The following RBFOX2 variants were observed in gnomAD, a reference collection of about 807,000 sequenced individuals.
The protein encoded by RBFOX2 is RNA binding fox-1 homolog 2, also known as RNA binding protein fox-1 homolog 2.
Under a neutral mutation model 49.1 loss-of-function variants are expected in RBFOX2, and 10 were observed. The ratio of observed to expected loss-of-function variants is 0.20; its 90% confidence interval spans 0.13 to 0.35. The LOEUF (loss-of-function observed/expected upper bound fraction) is 0.35. RBFOX2 is among the 10% of genes least tolerant of loss of function. RBFOX2 has a pLI of 1.00. For missense variants in RBFOX2, 323 were observed against 486.9 expected (o/e 0.66, Z 3.17); for synonymous variants, 183 against 187.4 (o/e 0.98, Z 0.19).
intron 2 of RBFOX2, among the ~76,000 whole-genome samples, chr22:35,804,191 T>C (rs1046845220): frequency 6.6e-5 from 10 of 151,826 alleles, no homozygotes; most frequent in African/African-American, 1.5e-4. Flanking sequence ...GGCAGGAGAA[T>C]TGGTCGAACC....
intron 2 of RBFOX2, among the ~76,000 whole-genome samples, chr22:35,788,603 T>C (rs1379993292): frequency 6.6e-6 from 1 of 152,234 alleles, no homozygotes; most frequent in Non-Finnish European, 1.5e-5. Flanking sequence ...CCTTCAGAAT[T>C]TTGAAGATAA....
At chr22:35,898,462 G>A (rs1463892414) in intron 1 of RBFOX2, 1 of 395,658 alleles carries the variant, frequency 2.5e-6, no homozygotes, top group South Asian at 2.4e-5. Context: ...GTCTCACTCT[G>A]TAGCCCAGGC....
chr22:35,809,744 T>C (rs758852715), intron 2 of RBFOX2, 36 bp downstream of exon 3: 7 of 1,589,312 alleles, frequency 4.4e-6, no homozygotes, highest in Admixed American at 3.3e-5. Flanking sequence ...ATGATTGCCA[T>C]GCATCCTTCC....
intron 1 of RBFOX2, among the ~76,000 whole-genome samples, chr22:36,024,685 G>A (rs1237599077): frequency 6.6e-6 from 1 of 151,480 alleles, no homozygotes. Flanking sequence ...AGGTTGCAGT[G>A]AGCTGAGATC....
intron 1 of RBFOX2, among the ~76,000 whole-genome samples, chr22:35,967,029 C>T (rs2056604005): frequency 6.6e-6 from 1 of 151,970 alleles, no homozygotes; most frequent in Non-Finnish European, 1.5e-5. Context: ...ATGTTGTTGC[C>T]CAGGCTGATC....
At chr22:35,874,115 AT>A (rs1249726266) in intron 1 of RBFOX2, among the ~76,000 whole-genome samples, 1 of 152,244 alleles carries the variant, frequency 6.6e-6, no homozygotes, top group Non-Finnish European at 1.5e-5. Context: ...GATGAATTAG[AT>A]GCTTTAGTAA....
intron 1 of RBFOX2, among the ~76,000 whole-genome samples, chr22:35,874,256 G>A (rs1156511021): frequency 1.3e-5 from 2 of 152,088 alleles, no homozygotes; most frequent in East Asian, 1.9e-4. Flanking sequence ...GGTAAGGCAT[G>A]TACAAGGCAA....
At chr22:35,916,145 G>A (rs1224030239) in intron 1 of RBFOX2, among the ~76,000 whole-genome samples, 4 of 152,124 alleles carry the variant, frequency 2.6e-5, no homozygotes, top group East Asian at 1.9e-4. Flanking sequence ...CATAGGCTTC[G>A]GTATCAAGCT....
chr22:35,881,750 G>C (rs1361225030), intron 1 of RBFOX2, among the ~76,000 whole-genome samples: 1 of 152,024 alleles, frequency 6.6e-6, no homozygotes, highest in Non-Finnish European at 1.5e-5. Context: ...CATGAGGTCA[G>C]GAGTTCGAGA....
At chr22:35,838,814 T>C (rs1357997708) in intron 1 of RBFOX2, among the ~76,000 whole-genome samples, 1 of 152,192 alleles carries the variant, frequency 6.6e-6, no homozygotes, top group African/African-American at 2.4e-5. Context: ...TTGTTGAAAT[T>C]TTCTAAACTC....
At chr22:35,982,809 A>C (rs76565684) in intron 1 of RBFOX2, among the ~76,000 whole-genome samples, 10 of 151,882 alleles carry the variant, frequency 6.6e-5, no homozygotes, top group African/African-American at 2.4e-4. Flanking sequence ...AAAAAAAAAA[A>C]CCACTAATCC....
At chr22:36,028,460 G>A (rs1218977382) in exon 1 of RBFOX2, 2 of 1,166,114 alleles carry the variant, frequency 1.7e-6, no homozygotes, top group Non-Finnish European at 2.1e-6. Flanking sequence ...GGAGCCGGGC[G>A]ACCCGCGACA....
chr22:35,774,410 C>T (rs1943401177), intron 4 of RBFOX2, among the ~76,000 whole-genome samples: 1 of 152,124 alleles, frequency 6.6e-6, no homozygotes, highest in Admixed American at 6.5e-5. Context: ...AGGAATACCA[C>T]TTTCCATCAT....
At chr22:35,880,026 C>CT (rs201834547) in intron 1 of RBFOX2, among the ~76,000 whole-genome samples, 1 of 152,120 alleles carries the variant, frequency 6.6e-6, no homozygotes, top group East Asian at 1.9e-4. Flanking sequence ...CATGGTGGCG[C>CT]ATACCTGTAA....
chr22:35,934,167 A>G (rs1400668483), intron 1 of RBFOX2, among the ~76,000 whole-genome samples: 1 of 142,552 alleles, frequency 7.0e-6, no homozygotes, highest in Non-Finnish European at 1.5e-5. Context: ...GTTCCTCTTT[A>G]AAAAAAAAAA....
At chr22:35,980,406 A>T (rs548224823) in intron 1 of RBFOX2, among the ~76,000 whole-genome samples, 1 of 152,294 alleles carries the variant, frequency 6.6e-6, no homozygotes, top group South Asian at 2.1e-4. Flanking sequence ...TATTTGGCCC[A>T]ATTACTAAAC....
chr22:35,839,522 A>G (rs1958350854), intron 1 of RBFOX2, among the ~76,000 whole-genome samples: 2 of 151,536 alleles, frequency 1.3e-5, no homozygotes, highest in African/African-American at 4.9e-5. Flanking sequence ...TCCATTTCCT[A>G]CTCTCTCTCC....
At chr22:35,954,759 A>G (rs1188700560) in intron 1 of RBFOX2, among the ~76,000 whole-genome samples, 1 of 152,248 alleles carries the variant, frequency 6.6e-6, no homozygotes. Context: ...TAAGCTAGGG[A>G]TTCTTTTCTC....
intron 1 of RBFOX2, among the ~76,000 whole-genome samples, chr22:35,953,887 G>A (rs2055248143): frequency 6.6e-6 from 1 of 152,130 alleles, no homozygotes; most frequent in African/African-American, 2.4e-5. Context: ...TGATGCAGTA[G>A]AGCATATACA....
Sources: gnomAD v4.1 joint callset for allele counts (sites outside exome capture counted in the v4.1 genomes callset) on GRCh38, gnomAD v4.1.1 for gene constraint, MANE v1.5 for transcripts, NCBI Gene and HGNC (gene_info 2026-07-23, HGNC 2026-07-21) for gene names.